The following MAGT1 variants were observed in gnomAD, a reference collection of about 807,000 sequenced individuals.
MAGT1 encodes the protein dolichyl-diphosphooligosaccharide--protein glycosyltransferase subunit MAGT1.
Under a neutral mutation model 28.4 loss-of-function variants are expected in MAGT1, and 4 were observed. That is an observed-to-expected ratio of 0.14 (90% confidence interval 0.07 to 0.32). The LOEUF (loss-of-function observed/expected upper bound fraction) is 0.32. MAGT1 is among the 10% of genes least tolerant of loss of function. The pLI, the probability that MAGT1 is intolerant of heterozygous loss-of-function variation, is 1.00. For missense variants in MAGT1, 193 were observed against 264.5 expected, an observed-to-expected ratio of 0.73 and a Z score of 1.88; for synonymous variants, 89 against 89.7, an observed-to-expected ratio of 0.99 and a Z score of 0.04.
At position 77,834,276 on chromosome X, in the gene MAGT1, A is replaced by G. The variant is rs782557476; in HGVS notation, c.902-3381T>C. On this transcript the variant is annotated intron_variant, in intron 8 of 9. Coordinates refer to ENST00000618282, the MANE Select transcript of MAGT1 (RefSeq NM_001367916.1). ...TATACATGTGTGTATATATGCATAT[A>G]TGTATATATATGCATATATATATAT... is the stretch of plus-strand genomic sequence containing the variant. Among the ~76,000 whole-genome samples, 23 of 99,500 alleles carry G rather than the reference A, an allele frequency of 2.3e-4. 1 individual carries two copies. In the East Asian group the frequency reaches 3.7e-3, roughly 16 times the overall value. The allele number at this position is 99,500 out of a possible 115,157, so 86.4% of individuals were successfully genotyped here.
intron 2 of MAGT1, among the ~76,000 whole-genome samples, chrX:77,874,897 C>T (rs2077029238): frequency 9.2e-6 from 1 of 108,477 alleles, no homozygotes; most frequent in African/African-American, 3.4e-5. Flanking sequence ...CTCTGTCGCC[C>T]AGGCTGGAGT....
chrX:77,881,786 G>C (rs1557218482), intron 1 of MAGT1, among the ~76,000 whole-genome samples: 4 of 111,081 alleles, frequency 3.6e-5, no homozygotes, highest in Non-Finnish European at 5.7e-5. Context: ...ACCCAGTAAT[G>C]GGATGGCTGG....
intron 1 of MAGT1, among the ~76,000 whole-genome samples, chrX:77,878,774 G>C (rs5959867): frequency 1.3e-5 from 1 of 79,166 alleles, no homozygotes; most frequent in Admixed American, 1.7e-4. Flanking sequence ...TGGGCAACAA[G>C]AGTGAAACTC....
At position 77,855,524 on chromosome X, in the gene MAGT1, T is replaced by C; in HGVS notation, c.739A>G (p.Lys247Glu). The change falls in exon 6 of 10, where the codon AAG becomes GAG. Residue 247 changes from lysine (K) to glutamate (E), a missense_variant. Transcript: ENST00000618282. ...NHIRGPPYAH[K>E]NPHTGHVNYI... ...ACCACATGTCCCGTGTGGGGATTCT[T>C]ATGGGCATATGGTGGTCCTCTTATA... is the stretch of plus-strand genomic sequence containing the variant. 1 of 1,206,906 alleles carries C rather than the reference T, an allele frequency of 8.3e-7. No homozygotes were observed. Among genetic ancestry groups the C allele is most frequent in the Non-Finnish European group, 1.1e-6 (1 of 891,523 alleles).
chrX:77,895,390 A>T lies in MAGT1; in HGVS notation c.21T>A (p.Phe7Leu). Reference protein sequence around the residue: MAARWRFWCVSVTMVVA... With the variant: MAARWRLWCVSVTMVVA... ...CCACCATGGTCACAGAGACACACCA[A>T]AACCGCCAACGCGCTGCCATGTTCG... Residue 7 changes from phenylalanine (F) to leucine (L), a missense_variant, in exon 1 of 10, where the codon TTT (phenylalanine) becomes TTA (leucine). Physicochemically the swap from Phe to Leu is conservative, Grantham distance 22. Coordinates refer to ENST00000618282, the MANE Select transcript of MAGT1 (RefSeq NM_001367916.1). 1 of 1,211,946 alleles carries T rather than the reference A, an allele frequency of 8.3e-7. No homozygotes were observed.
At chrX:77,849,821 G>A (rs2076962095) in intron 7 of MAGT1, among the ~76,000 whole-genome samples, 1 of 105,026 alleles carries the variant, frequency 9.5e-6, no homozygotes, top group Non-Finnish European at 1.9e-5. Context: ...GTTGTAATGA[G>A]CTGGGATCAC....
chrX:77,850,490 G>T (rs1218179261), intron 7 of MAGT1, among the ~76,000 whole-genome samples: 1 of 67,149 alleles, frequency 1.5e-5, no homozygotes, highest in Admixed American at 2.0e-4. Context: ...AAAAAGGGGG[G>T]GGGGGTGGGG....
intron 8 of MAGT1, among the ~76,000 whole-genome samples, chrX:77,840,436 C>CA (rs781854554): frequency 4.7e-4 from 37 of 79,189 alleles, no homozygotes; most frequent in South Asian, 5.6e-4. Flanking sequence ...AACTCTGTCT[C>CA]AAAAAAAAAA....
At chrX:77,889,327 GGTGT>G (rs1569548332) in intron 1 of MAGT1, among the ~76,000 whole-genome samples, 2 of 100,847 alleles carry the variant, frequency 2.0e-5, no homozygotes, top group East Asian at 3.1e-4. Flanking sequence ...GTACATAGTA[GGTGT>G]GTGTGTATGT....
chrX:77,891,196 T>C (rs1603365556), intron 1 of MAGT1, among the ~76,000 whole-genome samples: 1 of 111,353 alleles, frequency 9.0e-6, no homozygotes, highest in Non-Finnish European at 1.9e-5. Flanking sequence ...CTTTGTTGCC[T>C]AGCACAAAAC....
At chrX:77,889,380 T>A (rs1175322512) in intron 1 of MAGT1, among the ~76,000 whole-genome samples, 45 of 103,535 alleles carry the variant, frequency 4.3e-4, no homozygotes, top group South Asian at 2.6e-3. Flanking sequence ...ATATATATTT[T>A]TTTTTTTGAC....
chrX:77,893,475 T>TA lies in MAGT1; in HGVS notation c.102+1833dup, dbSNP rs782477525. 6.0e-3 allele frequency among the ~76,000 whole-genome samples: 641 copies of TA among 106,804 alleles called. 8 individuals carry two copies. The highest frequency in any genetic ancestry group is 0.019 in the African/African-American group (570 of 29,479). The allele number at this position is 106,804 out of a possible 115,157, so 92.7% of individuals were successfully genotyped here. On this transcript the variant is annotated intron_variant, in intron 1 of 9. Coordinates refer to ENST00000618282, the MANE Select transcript of MAGT1 (RefSeq NM_001367916.1). ...GTATACAATTCAGTGCTGATTCCTT[T>TA]AAAAAAAAAACAAAACCTATTTTCA...
At chrX:77,891,354 C>CTATCTATCTATCTA (rs1438136986) in intron 1 of MAGT1, among the ~76,000 whole-genome samples, 1 of 109,530 alleles carries the variant, frequency 9.1e-6, no homozygotes, top group African/African-American at 3.3e-5. Context: ...ATCTATCTAT[C>CTATCTATCTATCTA]TATCTGGGGT....
At chrX:77,841,931 C>G in intron 7 of MAGT1, among the ~76,000 whole-genome samples, 1 of 100,772 alleles carries the variant, frequency 9.9e-6, no homozygotes, top group Admixed American at 1.2e-4. Context: ...CTCAAGCAAT[C>G]CACCTGCCTC....
At position 77,895,298 on chromosome X, in the gene MAGT1, C is replaced by T; in HGVS notation, c.102+11G>A. ...GGGAAAAGCCCATGCTGCTGGAAAC[C>T]GCGTTCTCACCTCCTTCTTTCTTTG... On this transcript the variant is annotated intron_variant, in intron 1 of 9. Transcript: ENST00000618282. 8.3e-7 allele frequency: 1 copy of T among 1,211,459 alleles called. No individual in the cohort carries two copies. Among genetic ancestry groups the T allele is most frequent in the Non-Finnish European group, 1.1e-6 (1 of 895,002 alleles).
At chrX:77,855,027 C>T (rs192446722) in intron 6 of MAGT1, among the ~76,000 whole-genome samples, 3 of 111,579 alleles carry the variant, frequency 2.7e-5, no homozygotes, top group East Asian at 5.7e-4. Context: ...GCACTGCGGC[C>T]GGGTGCGGTG....
chrX:77,888,610 C>T (rs1433272313), intron 1 of MAGT1, among the ~76,000 whole-genome samples: 1 of 111,264 alleles, frequency 9.0e-6, no homozygotes, highest in Non-Finnish European at 1.9e-5. Context: ...AGAAATTGTC[C>T]TATTGTCACT....
At chrX:77,842,504 C>T (rs1293313797) in intron 7 of MAGT1, among the ~76,000 whole-genome samples, 1 of 111,795 alleles carries the variant, frequency 8.9e-6, no homozygotes, top group Non-Finnish European at 1.9e-5. Context: ...TACTACTAAC[C>T]TATCTAATTT....
chrX:77,886,528 G>A (rs997548322), intron 1 of MAGT1, among the ~76,000 whole-genome samples: 7 of 110,229 alleles, frequency 6.4e-5, no homozygotes, highest in African/African-American at 1.7e-4. Flanking sequence ...CTGTAGTTGC[G>A]GCTACTCAGG....
Sources: allele counts gnomAD v4.1 joint callset (sites outside exome capture counted in the v4.1 genomes callset), GRCh38; gene constraint gnomAD v4.1.1; transcripts MANE v1.5; gene names NCBI Gene and HGNC (gene_info 2026-07-23, HGNC 2026-07-21).